The following TLE1 variants were observed in gnomAD, a reference collection of about 807,000 sequenced individuals.
TLE1 encodes transducin-like enhancer protein 1.
TLE1 carries 21 observed loss-of-function variants against 89.8 expected under a neutral mutation model. The observed-to-expected ratio is 0.23, with a 90% CI of 0.17 to 0.34. The LOEUF (loss-of-function observed/expected upper bound fraction) is 0.34. Among genes scored for constraint, TLE1 ranks in the 10% least tolerant of loss-of-function variants. TLE1 has a pLI of 1.00. For missense variants in TLE1, 795 were observed against 1,031.2 expected, an observed-to-expected ratio of 0.77 and a Z score of 3.14; for synonymous variants, 447 against 407.6, an observed-to-expected ratio of 1.10 and a Z score of -1.16.
intron 4 of TLE1, among the ~76,000 whole-genome samples, chr9:81,679,925 G>C (rs1230919329): frequency 6.6e-6 from 1 of 152,154 alleles, no homozygotes; most frequent in Non-Finnish European, 1.5e-5. Context: ...GGTTCCATGA[G>C]CCAGTAACTG....
At chr9:81,638,306 G>T (rs1244725890) in intron 6 of TLE1, among the ~76,000 whole-genome samples, 1 of 152,186 alleles carries the variant, frequency 6.6e-6, no homozygotes, top group Non-Finnish European at 1.5e-5. Flanking sequence ...AACAGTGCTG[G>T]CTCTGGCTTT....
intron 8 of TLE1, among the ~76,000 whole-genome samples, chr9:81,621,565 A>C (rs1387670887): frequency 6.6e-6 from 1 of 152,202 alleles, no homozygotes; most frequent in Non-Finnish European, 1.5e-5. Context: ...CAATTATGTT[A>C]CCTTTCTCTG....
At chr9:81,676,119 G>A (rs1448161369) in intron 4 of TLE1, among the ~76,000 whole-genome samples, 4 of 152,132 alleles carry the variant, frequency 2.6e-5, no homozygotes, top group Non-Finnish European at 4.4e-5. Flanking sequence ...GTATTTGTGT[G>A]TAAAAACATG....
chr9:81,638,616 G>A (rs973554716), intron 6 of TLE1, among the ~76,000 whole-genome samples: 1 of 151,946 alleles, frequency 6.6e-6, no homozygotes, highest in Non-Finnish European at 1.5e-5. Context: ...TGCCAATCAG[G>A]AGAATTTATG....
intron 4 of TLE1, among the ~76,000 whole-genome samples, chr9:81,659,131 T>A (rs554849655): frequency 6.6e-6 from 1 of 152,142 alleles, no homozygotes; most frequent in East Asian, 1.9e-4. Flanking sequence ...ATGGTCTCGA[T>A]CTCCTGATCC....
intron 6 of TLE1, among the ~76,000 whole-genome samples, chr9:81,636,226 C>A (rs1827339442): frequency 6.6e-6 from 1 of 152,094 alleles, no homozygotes; most frequent in African/African-American, 2.4e-5. Context: ...CCCAAAGACA[C>A]TAATTCTTGC....
chr9:81,654,325 C>CTATA (rs1057511878), intron 4 of TLE1, among the ~76,000 whole-genome samples: 1 of 151,718 alleles, frequency 6.6e-6, no homozygotes, highest in East Asian at 1.9e-4. Context: ...AATATGGTGA[C>CTATA]TATATATATA....
intron 14 of TLE1, among the ~76,000 whole-genome samples, chr9:81,598,085 G>A (rs1289878285): frequency 1.3e-5 from 2 of 152,114 alleles, no homozygotes; most frequent in African/African-American, 4.8e-5. Flanking sequence ...TACGGACTTG[G>A]CACTCTGGAT....
At chr9:81,642,283 A>AT (rs1564013811) in intron 6 of TLE1, among the ~76,000 whole-genome samples, 2 of 152,124 alleles carry the variant, frequency 1.3e-5, no homozygotes, top group African/African-American at 2.4e-5. Flanking sequence ...TGGATTCTGG[A>AT]TTTTTTTCAG....
intron 4 of TLE1, among the ~76,000 whole-genome samples, chr9:81,675,553 T>C (rs1171090871): frequency 6.6e-6 from 1 of 152,078 alleles, no homozygotes; most frequent in Non-Finnish European, 1.5e-5. Flanking sequence ...AACATATTAC[T>C]ACAATAAAAC....
chr9:81,666,515 A>G (rs957699719), intron 4 of TLE1, among the ~76,000 whole-genome samples: 11 of 152,050 alleles, frequency 7.2e-5, no homozygotes, highest in African/African-American at 2.4e-4. Flanking sequence ...GGTGGCTCAC[A>G]CCTGTAATCC....
At chr9:81,658,574 G>C (rs1331765873) in intron 4 of TLE1, among the ~76,000 whole-genome samples, 2 of 152,056 alleles carry the variant, frequency 1.3e-5, no homozygotes, top group African/African-American at 4.8e-5. Context: ...TCCAAGTCTT[G>C]GACTGTTCTA....
intron 14 of TLE1, 81 bp from the exon 15 acceptor site, chr9:81,593,355 T>C: frequency 6.9e-7 from 1 of 1,445,406 alleles, no homozygotes; most frequent in Admixed American, 2.7e-5. Flanking sequence ...GTGCTACGAC[T>C]ATGAAAAAGA....
At chr9:81,652,593 C>A (rs1226333947) in intron 5 of TLE1, among the ~76,000 whole-genome samples, 1 of 151,940 alleles carries the variant, frequency 6.6e-6, no homozygotes, top group African/African-American at 2.4e-5. Flanking sequence ...ATAAATAGAA[C>A]AGAATTTGGA....
At chr9:81,643,501 G>A (rs1011545849) in intron 6 of TLE1, among the ~76,000 whole-genome samples, 9 of 152,112 alleles carry the variant, frequency 5.9e-5, no homozygotes, top group Admixed American at 2.0e-4. Context: ...CTCCCAAAGT[G>A]CTGGGATTAC....
At chr9:81,617,889 T>A (rs1824752946) in intron 9 of TLE1, among the ~76,000 whole-genome samples, 1 of 152,056 alleles carries the variant, frequency 6.6e-6, no homozygotes, top group African/African-American at 2.4e-5. Flanking sequence ...CTGGGTTTAG[T>A]GGCGTGCATC....
chr9:81,666,118 G>A (rs1831431733), intron 4 of TLE1, among the ~76,000 whole-genome samples: 1 of 152,156 alleles, frequency 6.6e-6, no homozygotes, highest in Non-Finnish European at 1.5e-5. Context: ...ATGGAGTTCA[G>A]AAAGAGCCTG....
At chr9:81,628,247 C>T (rs1321123062) in intron 8 of TLE1, among the ~76,000 whole-genome samples, 1 of 152,216 alleles carries the variant, frequency 6.6e-6, no homozygotes, top group Admixed American at 6.5e-5. Context: ...CTAACCCCCT[C>T]CCTGTGAGGC....
chr9:81,633,276 T>G, intron 8 of TLE1, 72 bp downstream of exon 8: 1 of 1,601,580 alleles, frequency 6.2e-7, no homozygotes. Flanking sequence ...AGAAGTGTTG[T>G]CAGAAGGGGA....
Sources: allele counts gnomAD v4.1 joint callset (sites outside exome capture counted in the v4.1 genomes callset), GRCh38; gene constraint gnomAD v4.1.1; transcripts MANE v1.5; gene names NCBI Gene and HGNC (gene_info 2026-07-23, HGNC 2026-07-21).